The following LAMB1 variants were observed in gnomAD, a reference collection of about 807,000 sequenced individuals.
The protein encoded by LAMB1 is laminin subunit beta-1.
A neutral mutation model predicts 222.3 loss-of-function variants in LAMB1; 121 were observed. The ratio of observed to expected loss-of-function variants is 0.54; its 90% CI spans 0.47 to 0.63. LAMB1 has a LOEUF of 0.63. LAMB1 is among the 30% of genes least tolerant of loss of function. LAMB1 has a pLI of 0.00. For missense variants in LAMB1, 2,172 were observed against 2,240.8 expected, an observed-to-expected ratio of 0.97 and a Z score of 0.62; for synonymous variants, 794 against 807.2, an observed-to-expected ratio of 0.98 and a Z score of 0.28.
At chr7:107,925,893 T>C (rs2032550736) in intron 32 of LAMB1, among the ~76,000 whole-genome samples, 2 of 92,760 alleles carry the variant, frequency 2.2e-5, no homozygotes, top group Non-Finnish European at 2.1e-5. Flanking sequence ...TCAATATAGT[T>C]GGTTTAAAAA....
At chr7:107,937,466 T>C (rs1400004386) in intron 25 of LAMB1, among the ~76,000 whole-genome samples, 189 bp from the exon 26 acceptor site, 2 of 152,240 alleles carry the variant, frequency 1.3e-5, no homozygotes, top group East Asian at 1.9e-4. Flanking sequence ...AATTTTTCTT[T>C]GTTCAATGAC....
At chr7:107,994,494 A>C (rs917723200) in intron 5 of LAMB1, among the ~76,000 whole-genome samples, 1 of 152,180 alleles carries the variant, frequency 6.6e-6, no homozygotes, top group African/African-American at 2.4e-5. Context: ...AACTCTGAAA[A>C]CCAAAGAGAA....
intron 5 of LAMB1, among the ~76,000 whole-genome samples, chr7:107,987,625 C>T (rs376095053): frequency 3.9e-5 from 6 of 152,270 alleles, no homozygotes; most frequent in African/African-American, 1.2e-4. Context: ...CTCAGCCTCC[C>T]GAGTAGCTGG....
intron 2 of LAMB1, chr7:108,002,227 G>A (rs1293910407): frequency 3.0e-6 from 4 of 1,338,502 alleles, no homozygotes; most frequent in South Asian, 1.2e-5. Context: ...GCGTGTGCGT[G>A]CACGCGCGAG....
At chr7:107,995,362 G>A (rs2034263462) in intron 4 of LAMB1, among the ~76,000 whole-genome samples, 1 of 152,222 alleles carries the variant, frequency 6.6e-6, no homozygotes, top group Non-Finnish European at 1.5e-5. Flanking sequence ...GGGTCAGCTT[G>A]CAGTCTGATG....
In LAMB1 at chr7:107,964,554, G is replaced by A. The variant is rs1173445312; in HGVS notation, c.1696C>T (p.Pro566Ser). 1 of 1,613,940 alleles carries A rather than the reference G, an allele frequency of 6.2e-7. No individual in the cohort carries two copies. The highest frequency in any genetic ancestry group is 8.5e-7 in the Non-Finnish European group (1 of 1,180,000). ...CTGCCACACACTCCCCTACTCACAGGCCCCAAGTTGGCTTCCTCCGCTTCA... is the reference window on the plus strand; with the variant it reads ...CTGCCACACACTCCCCTACTCACAGACCCCAAGTTGGCTTCCTCCGCTTCA... ...LYEAEEANLG[P>S]GVSIVERQYI... The change falls in exon 14 of 34, where the codon CCT (proline) becomes TCT (serine). Residue 566 changes from proline to serine, a missense_variant and splice_region_variant. By Grantham distance (74) the Pro-to-Ser change is moderately conservative (BLOSUM62 -1). Transcript: ENST00000222399.
chr7:107,948,599 G>A (rs953979377), intron 24 of LAMB1, among the ~76,000 whole-genome samples: 1 of 152,120 alleles, frequency 6.6e-6, no homozygotes, highest in East Asian at 1.9e-4. Flanking sequence ...TCACGAATAC[G>A]AATGATGTAT....
chr7:107,982,242 T>C (rs903257231), intron 7 of LAMB1, among the ~76,000 whole-genome samples: 3 of 152,218 alleles, frequency 2.0e-5, no homozygotes, highest in African/African-American at 4.8e-5. Flanking sequence ...TCCCCAGAGA[T>C]TGATTCATCT....
Position 107,923,954 on chromosome 7 carries a change from C to T in LAMB1, c.5358G>A (p.Leu1786=), listed in dbSNP as rs369886731. The T allele has an allele frequency of 1.0e-5, 16 of 1,605,494 alleles. No homozygotes were observed. Among genetic ancestry groups the T allele is most frequent in the Non-Finnish European group, 1.4e-5 (16 of 1,177,734 alleles). Residue 1786 remains leucine (L), a synonymous_variant, in exon 34 of 34, where the codon TTG becomes TTA. Transcript: ENST00000222399. The part of the protein sequence containing the change: ...SQKVAVYSTC[L] The stretch of plus-strand genomic sequence containing the variant: ...AGCCATTTTTTATTCTCCTCTGTTA[C>T]AAGCATGTGCTATACACAGCAACTT...
At position 107,933,303 on chromosome 7, in the gene LAMB1, A is replaced by G. The variant is rs145737715; in HGVS notation, c.4189-926T>C. Among the ~76,000 whole-genome samples the G allele has an allele frequency of 3.8e-3, 582 of 152,368 alleles. 3 individuals carry two copies. The highest frequency in any genetic ancestry group is 0.013 in the African/African-American group (549 of 41,586). ...TACTGCAGTGAAAAGGAGTTAACAGAATATTCCCAAACAAGTATTGTTATT... is the reference window on the plus strand; with the variant it reads ...TACTGCAGTGAAAAGGAGTTAACAGGATATTCCCAAACAAGTATTGTTATT... On this transcript the variant is annotated intron_variant, in intron 27 of 33. Transcript: ENST00000222399.
Position 108,001,709 on chromosome 7 carries a change from G to T in LAMB1, c.62C>A (p.Ala21Asp). 1 of 1,612,968 alleles carries T rather than the reference G, an allele frequency of 6.2e-7. No homozygotes were observed. Among genetic ancestry groups the T allele is most frequent in the Non-Finnish European group, 8.5e-7 (1 of 1,179,886 alleles). The change falls in exon 3 of 34, where the codon GCT becomes GAT. Residue 21 changes from alanine to aspartate, a missense_variant. Transcript: ENST00000222399. ...FLALCRARVR[A>D]QEPEFSYGCA... ...GCCGTAGCTGAACTCGGGTTCCTGA[G>T]CGCGCACTCGGGCTCTGCACAGGGC...
intron 8 of LAMB1, 125 bp from the exon 9 acceptor site, chr7:107,978,292 T>C (rs1160486388): frequency 2.8e-6 from 3 of 1,074,804 alleles, no homozygotes; most frequent in Non-Finnish European, 4.0e-6. Flanking sequence ...CAGAAAAGGG[T>C]TGTTTGGTTG....
In LAMB1 at chr7:108,001,750, C is replaced by T. The variant is rs2034389675; in HGVS notation, c.38-17G>A. 1 of 1,610,512 alleles carries T rather than the reference C, an allele frequency of 6.2e-7. No homozygotes were observed. Among genetic ancestry groups the T allele is most frequent in the South Asian group, 1.1e-5 (1 of 90,766 alleles). On this transcript the variant is annotated splice_polypyrimidine_tract_variant and intron_variant, in intron 2 of 33. Coordinates refer to ENST00000222399, the MANE Select transcript of LAMB1 (RefSeq NM_002291.3). ...TGCACAGGGCTGCGGGAAGGACAGGCAACAGAGTTGGGGGGACACAAGCAG... is the reference window on the plus strand; with the variant it reads ...TGCACAGGGCTGCGGGAAGGACAGGTAACAGAGTTGGGGGGACACAAGCAG...
intron 32 of LAMB1, among the ~76,000 whole-genome samples, chr7:107,925,155 G>C (rs901120660): frequency 3.9e-5 from 6 of 152,152 alleles, no homozygotes; most frequent in Non-Finnish European, 7.4e-5. Context: ...GAGAGGTAGG[G>C]AAAGTTACTC....
intron 12 of LAMB1, 128 bp from the exon 13 acceptor site, chr7:107,973,199 G>T: frequency 1.3e-6 from 1 of 767,726 alleles, no homozygotes; most frequent in Non-Finnish European, 2.3e-6. Flanking sequence ...AAAGCAGAAA[G>T]CCAACAAAAG....
rs745460957 is a variant in LAMB1, at chr7:107,923,939, T to TA, written c.*11dup. 6.3e-7 allele frequency: 1 copy of TA among 1,598,810 alleles called. No individual in the cohort carries two copies. The highest frequency in any genetic ancestry group is 8.5e-7 in the Non-Finnish European group (1 of 1,175,994). On this transcript the variant is annotated 3_prime_UTR_variant, in exon 34 of 34. Transcript: ENST00000222399. ...TACCTTGTTCACCTCAGCCATTTTTTATTCTCCTCTGTTACAAGCATGTGC... is the reference window on the plus strand; with the variant it reads ...TACCTTGTTCACCTCAGCCATTTTTTAATTCTCCTCTGTTACAAGCATGTGC...
At chr7:107,980,983 G>A (rs927593249) in intron 7 of LAMB1, among the ~76,000 whole-genome samples, 172 bp from the exon 8 acceptor site, 7 of 151,918 alleles carry the variant, frequency 4.6e-5, no homozygotes, top group Admixed American at 3.9e-4. Context: ...TAACATGACT[G>A]CAAAGAGGAA....
chr7:107,935,242 A>C (rs2032813008), intron 27 of LAMB1, 173 bp downstream of exon 27: 1 of 916,686 alleles, frequency 1.1e-6, no homozygotes, highest in Admixed American at 2.6e-5. Flanking sequence ...TCTTGGTTAC[A>C]GATACCCCAT....
At chr7:107,934,899 CT>C (rs1443359480) in intron 27 of LAMB1, among the ~76,000 whole-genome samples, 1 of 63,406 alleles carries the variant, frequency 1.6e-5, no homozygotes, top group African/African-American at 8.5e-5. Context: ...GACTCCATCT[CT>C]TTAAAAAAAA....
Sources: allele counts gnomAD v4.1 joint callset (sites outside exome capture counted in the v4.1 genomes callset), GRCh38; gene constraint gnomAD v4.1.1; transcripts MANE v1.5; gene names NCBI Gene and HGNC (gene_info 2026-07-23, HGNC 2026-07-21).